The following MAN1A1 variants were observed in gnomAD, a reference collection of about 807,000 sequenced individuals.
The protein encoded by MAN1A1 is mannosidase alpha class 1A member 1.
A neutral mutation model predicts 70.8 loss-of-function variants in MAN1A1; 29 were observed. That is an observed-to-expected ratio of 0.41 (90% CI 0.31 to 0.56). The LOEUF (loss-of-function observed/expected upper bound fraction) is 0.56, where lower values mean the gene tolerates loss of function less well. MAN1A1 is among the 20% of genes least tolerant of loss of function. The pLI, the probability that MAN1A1 is intolerant of heterozygous loss-of-function variation, is 0.29. For missense variants in MAN1A1, 747 were observed against 841.3 expected (o/e 0.89, Z 1.39); for synonymous variants, 349 against 330.1 (o/e 1.06, Z -0.62).
chr6:119,303,906 T>C (rs920910753), intron 3 of MAN1A1, among the ~76,000 whole-genome samples: 1 of 152,318 alleles, frequency 6.6e-6, no homozygotes, highest in East Asian at 1.9e-4. Flanking sequence ...CTGCCACTCC[T>C]AGCTTTGGAA....
intron 6 of MAN1A1, among the ~76,000 whole-genome samples, chr6:119,245,959 G>A (rs1775157615): frequency 6.6e-6 from 1 of 151,874 alleles, no homozygotes; most frequent in African/African-American, 2.4e-5. Context: ...AGATACTAGA[G>A]GATTTAGTAA....
At chr6:119,296,610 G>A (rs1003738701) in intron 4 of MAN1A1, among the ~76,000 whole-genome samples, 1 of 152,054 alleles carries the variant, frequency 6.6e-6, no homozygotes, top group African/African-American at 2.4e-5. Flanking sequence ...GTTGCTTCTT[G>A]AAGTCAACAT....
At chr6:119,334,703 C>G (rs569847256) in intron 2 of MAN1A1, among the ~76,000 whole-genome samples, 1 of 152,218 alleles carries the variant, frequency 6.6e-6, no homozygotes, top group African/African-American at 2.4e-5. Flanking sequence ...GTAGTTAAAG[C>G]TGCAGCAGCT....
At chr6:119,337,464 C>A (rs1773485544) in intron 2 of MAN1A1, among the ~76,000 whole-genome samples, 1 of 152,158 alleles carries the variant, frequency 6.6e-6, no homozygotes, top group South Asian at 2.1e-4. Context: ...CTATTATGGG[C>A]AGGGCCCAGA....
intron 9 of MAN1A1, among the ~76,000 whole-genome samples, chr6:119,191,682 T>C (rs1385487173): frequency 6.6e-6 from 1 of 152,206 alleles, no homozygotes; most frequent in Non-Finnish European, 1.5e-5. Context: ...GTTCCTAGTG[T>C]AGTCTCCAGA....
At chr6:119,221,065 T>C (rs968627042) in intron 6 of MAN1A1, among the ~76,000 whole-genome samples, 13 of 150,934 alleles carry the variant, frequency 8.6e-5, no homozygotes, top group African/African-American at 3.1e-4. Flanking sequence ...AAATTCTAAA[T>C]GTATTATCAG....
chr6:119,280,276 G>A (rs973661284), intron 5 of MAN1A1, among the ~76,000 whole-genome samples: 1 of 152,228 alleles, frequency 6.6e-6, no homozygotes, highest in Non-Finnish European at 1.5e-5. Flanking sequence ...CTGGGAGCCA[G>A]AATGCCCAAG....
chr6:119,231,304 T>C (rs1774668783), intron 6 of MAN1A1, among the ~76,000 whole-genome samples: 1 of 152,106 alleles, frequency 6.6e-6, no homozygotes, highest in Admixed American at 6.6e-5. Flanking sequence ...GTTCTTGTGA[T>C]AGTGAGTCTC....
intron 6 of MAN1A1, among the ~76,000 whole-genome samples, chr6:119,215,766 T>C (rs1470209711): frequency 6.6e-6 from 1 of 152,246 alleles, no homozygotes; most frequent in Non-Finnish European, 1.5e-5. Flanking sequence ...GGAAAACAGA[T>C]ATTCTTAGAA....
chr6:119,335,144 G>A (rs1018651783), intron 2 of MAN1A1, among the ~76,000 whole-genome samples: 6 of 152,182 alleles, frequency 3.9e-5, no homozygotes, highest in African/African-American at 1.4e-4. Context: ...ATAGAAAATA[G>A]AAGCTATTGG....
intron 6 of MAN1A1, among the ~76,000 whole-genome samples, chr6:119,215,015 C>T (rs1422821386): frequency 7.2e-6 from 1 of 138,046 alleles, no homozygotes; most frequent in Admixed American, 8.1e-5. Context: ...CACATGGACA[C>T]AGGAAGGGGA....
rs141663498 is a variant in MAN1A1, at chr6:119,200,549, T to C, written c.1210+705A>G. ...TTAAGGCAGTGTACTCTTGCTACAG[T>C]TGGGTATCTCAATATTCTTCACTTG... On this transcript the variant is annotated intron_variant, in intron 8 of 12. Transcript: ENST00000368468. 1.2e-4 allele frequency among the ~76,000 whole-genome samples: 18 copies of C among 152,330 alleles called. No individual in the cohort carries two copies. The East Asian group carries it at 3.5e-3, about 29-fold the overall frequency.
intron 6 of MAN1A1, among the ~76,000 whole-genome samples, chr6:119,245,814 T>C (rs560364602): frequency 1.3e-5 from 2 of 152,310 alleles, no homozygotes; most frequent in East Asian, 1.9e-4. Context: ...AATGACACAT[T>C]ATTTTTCACC....
At chr6:119,286,721 T>C (rs1183779402) in intron 5 of MAN1A1, among the ~76,000 whole-genome samples, 1 of 152,138 alleles carries the variant, frequency 6.6e-6, no homozygotes, top group Non-Finnish European at 1.5e-5. Flanking sequence ...TTTTCTATTT[T>C]ACAAAGTTAA....
chr6:119,342,893 G>A (rs548262523), intron 2 of MAN1A1, among the ~76,000 whole-genome samples: 2 of 152,200 alleles, frequency 1.3e-5, no homozygotes, highest in East Asian at 1.9e-4. Context: ...TGTATATACA[G>A]TAACTCACTC....
chr6:119,198,906 T>G (rs903764245), intron 8 of MAN1A1, among the ~76,000 whole-genome samples: 17 of 152,224 alleles, frequency 1.1e-4, no homozygotes, highest in African/African-American at 4.1e-4. Flanking sequence ...AGTCAACAAG[T>G]GGTTTCTTTT....
chr6:119,281,614 G>A (rs537944077), intron 5 of MAN1A1, among the ~76,000 whole-genome samples: 1 of 152,306 alleles, frequency 6.6e-6, no homozygotes, highest in East Asian at 1.9e-4. Context: ...GCAGAGTCAA[G>A]GTAGAACATG....
At chr6:119,185,844 G>GTTTTT (rs63362861) in intron 11 of MAN1A1, among the ~76,000 whole-genome samples, 1 of 132,162 alleles carries the variant, frequency 7.6e-6, no homozygotes. Context: ...TGGCCTCCCA[G>GTTTTT]TTTTTTTTTT....
intron 2 of MAN1A1, among the ~76,000 whole-genome samples, chr6:119,321,492 C>T (rs1274815653): frequency 6.6e-6 from 1 of 152,152 alleles, no homozygotes; most frequent in Non-Finnish European, 1.5e-5. Flanking sequence ...GGATCTGTCC[C>T]TCTCGCCTGC....
Sources: gnomAD v4.1 joint callset for allele counts (sites outside exome capture counted in the v4.1 genomes callset) on GRCh38, gnomAD v4.1.1 for gene constraint, MANE v1.5 for transcripts, NCBI Gene and HGNC (gene_info 2026-07-23, HGNC 2026-07-21) for gene names.